AHI1: variants seen among roughly 807,000 people sequenced by gnomAD.
AHI1 encodes jouberin.
AHI1 carries 123 observed loss-of-function variants against 149.3 expected under a neutral mutation model. The ratio of observed to expected loss-of-function variants is 0.82; its 90% CI spans 0.71 to 0.96. The LOEUF is 0.96. Among genes scored for constraint, AHI1 ranks in the 40% least tolerant of loss-of-function variants. The pLI is 0.00. For missense variants in AHI1, 1,439 were observed against 1,422.7 expected (o/e 1.01, Z -0.18); for synonymous variants, 475 against 459.8 (o/e 1.03, Z -0.42).
At chr6:135,320,708 C>CT (rs1786687912) in intron 25 of AHI1, among the ~76,000 whole-genome samples, 1 of 152,146 alleles carries the variant, frequency 6.6e-6, no homozygotes, top group Non-Finnish European at 1.5e-5. Flanking sequence ...CCCACCCTGC[C>CT]TAGAGATACA....
chr6:135,428,087 C>T (rs1218441793), intron 19 of AHI1, among the ~76,000 whole-genome samples: 1 of 151,306 alleles, frequency 6.6e-6, no homozygotes. Context: ...TTATTAAAAA[C>T]ATTCATGTAG....
intron 23 of AHI1, among the ~76,000 whole-genome samples, chr6:135,387,324 G>A (rs1777753776): frequency 2.0e-5 from 3 of 152,222 alleles, no homozygotes; most frequent in African/African-American, 7.2e-5. Flanking sequence ...AGCAAATGGA[G>A]TTCTGTTGTT....
intron 18 of AHI1, 125 bp downstream of exon 18, chr6:135,429,757 C>A: frequency 1.9e-6 from 1 of 521,918 alleles, no homozygotes; most frequent in Non-Finnish European, 3.2e-6. Context: ...CAGATACTGC[C>A]AGATGTTCCT....
intron 5 of AHI1, among the ~76,000 whole-genome samples, chr6:135,488,305 T>C (rs1794767971): frequency 6.6e-6 from 1 of 152,182 alleles, no homozygotes; most frequent in Non-Finnish European, 1.5e-5. Context: ...CAAATATCTT[T>C]CTATGTCCTC....
At chr6:135,332,160 C>T (rs1314482327) in intron 24 of AHI1, among the ~76,000 whole-genome samples, 1 of 151,642 alleles carries the variant, frequency 6.6e-6, no homozygotes, top group Non-Finnish European at 1.5e-5. Context: ...ACCTCCGTCT[C>T]CCGGGTTCAA....
intron 8 of AHI1, among the ~76,000 whole-genome samples, chr6:135,459,130 A>G (rs775154585): frequency 2.6e-5 from 4 of 152,178 alleles, no homozygotes; most frequent in Non-Finnish European, 4.4e-5. Flanking sequence ...TCTGACCATA[A>G]AATGGTCATT....
intron 21 of AHI1, among the ~76,000 whole-genome samples, chr6:135,405,886 GA>G (rs974720867): frequency 1.4e-5 from 2 of 140,078 alleles, no homozygotes; most frequent in African/African-American, 5.3e-5. Flanking sequence ...AAAAAAAAAA[GA>G]AAAAGAAAAA....
intron 23 of AHI1, among the ~76,000 whole-genome samples, chr6:135,358,684 C>T (rs1413115563): frequency 6.6e-6 from 1 of 152,180 alleles, no homozygotes; most frequent in Non-Finnish European, 1.5e-5. Flanking sequence ...CCATGAGTAT[C>T]TGAAGAAAAA....
At position 135,431,234 on chromosome 6, in the gene AHI1, A is replaced by C; in HGVS notation, c.2347T>G (p.Ser783Ala). ...TTATTTATAGTCCAGTGGTGCACTG[A>C]ATGTTCCAAATCATTAATCTTGACA... The part of the protein sequence containing the change: ...TYVKINDLEH[S>A]VHHWTINKEI... Residue 783 changes from serine to alanine, a missense_variant, in exon 17 of 29, where the codon TCA (serine) becomes GCA (alanine). By Grantham distance (99) the Ser-to-Ala change is moderately conservative. Transcript: ENST00000265602. The C allele has an allele frequency of 6.2e-7, 1 of 1,604,014 alleles. No individual in the cohort carries two copies. The highest frequency in any genetic ancestry group is 1.1e-5 in the South Asian group (1 of 89,714).
At chr6:135,394,980 T>C in intron 22 of AHI1, 84 bp from the exon 23 acceptor site, 1 of 1,420,624 alleles carries the variant, frequency 7.0e-7, no homozygotes, top group Non-Finnish European at 9.6e-7. Flanking sequence ...ATTTGCTTAT[T>C]ATACAAACCA....
Position 135,472,286 on chromosome 6 carries a change from A to G in AHI1, c.136-4652T>C, listed in dbSNP as rs377414039. ...ACTTTCACATAAATGAAATTATACC[A>G]TCTATAGCCTTTTGTGTCTGGTTTC... is the stretch of plus-strand genomic sequence containing the variant. On this transcript the variant is annotated intron_variant, in intron 5 of 28. Coordinates refer to ENST00000265602, the MANE Select transcript of AHI1 (RefSeq NM_001134831.2). 7.9e-5 allele frequency among the ~76,000 whole-genome samples: 12 copies of G among 152,284 alleles called. 1 individual carries two copies. Among genetic ancestry groups the G allele is most frequent in the East Asian group, 1.9e-4 (1 of 5,182 alleles).
chr6:135,402,949 C>G (rs1306401721), intron 22 of AHI1, among the ~76,000 whole-genome samples: 1 of 152,006 alleles, frequency 6.6e-6, no homozygotes, highest in Non-Finnish European at 1.5e-5. Context: ...GGTGGTTGGT[C>G]CCCCTAATCC....
At chr6:135,435,388 C>T (rs1359307581) in intron 15 of AHI1, among the ~76,000 whole-genome samples, 1 of 152,100 alleles carries the variant, frequency 6.6e-6, no homozygotes, top group Non-Finnish European at 1.5e-5. Flanking sequence ...TAAATAATAA[C>T]TACAAACCTA....
chr6:135,298,468 A>C (rs776169246), intron 27 of AHI1, among the ~76,000 whole-genome samples: 1 of 152,206 alleles, frequency 6.6e-6, no homozygotes, highest in Non-Finnish European at 1.5e-5. Flanking sequence ...CTGCAAAGAA[A>C]CAAAAAATTA....
rs1583577912 is a variant in AHI1 at position 135,300,736 on chromosome 6, C to T, written c.3427-178G>A. 5 of 1,234,376 alleles carry T rather than the reference C, an allele frequency of 4.1e-6. No homozygotes were observed. The East Asian group carries it at 1.6e-4, about 40-fold the overall frequency. The allele number at this position is 1,234,376 out of a possible 1,614,324, so 76.5% of individuals were successfully genotyped here. A position where few individuals can be genotyped will look rare whatever the true frequency, so the allele number is the denominator to read the frequency against. ...TGTCTATCAGGACAATATATTTGCT[C>T]CCATGAAAAACCAAGGAAGTAGTTC... is the stretch of plus-strand genomic sequence containing the variant. On this transcript the variant is annotated intron_variant, in intron 26 of 28. Transcript: ENST00000265602.
At chr6:135,404,638 C>T (rs1780495681) in intron 22 of AHI1, among the ~76,000 whole-genome samples, 1 of 152,200 alleles carries the variant, frequency 6.6e-6, no homozygotes, top group African/African-American at 2.4e-5. Flanking sequence ...TGACCGGTGT[C>T]TTATACAAAT....
In AHI1 at chr6:135,475,795, C is replaced by A. The variant is rs1792516240; in HGVS notation, c.136-8161G>T. Among the ~76,000 whole-genome samples, 3 of 152,276 alleles carry A rather than the reference C, an allele frequency of 2.0e-5. No individual in the cohort carries two copies. In the South Asian group the frequency reaches 6.2e-4, roughly 32 times the overall value. On this transcript the variant is annotated intron_variant, in intron 5 of 28. Transcript: ENST00000265602. ...ACCTTTTCCCTTTGCTGATTTTAAT[C>A]TGTATCCTTTTACAGTAATAAATGG...
chr6:135,341,970 T>C (rs115891968), intron 24 of AHI1, among the ~76,000 whole-genome samples: 2,589 of 151,250 alleles, frequency 0.017, 88 homozygotes, highest in African/African-American at 0.06. Context: ...AAACAACAAA[T>C]AGAAAAAGAG....
chr6:135,360,295 A>G (rs759521950), intron 23 of AHI1, among the ~76,000 whole-genome samples: 4 of 152,188 alleles, frequency 2.6e-5, no homozygotes, highest in Admixed American at 6.5e-5. Context: ...ATTATTCTAG[A>G]TATTTCTTTG....
Sources: allele counts gnomAD v4.1 joint callset (sites outside exome capture counted in the v4.1 genomes callset), GRCh38; gene constraint gnomAD v4.1.1; transcripts MANE v1.5; gene names NCBI Gene and HGNC (gene_info 2026-07-23, HGNC 2026-07-21).